KAZN: variants seen among roughly 807,000 people sequenced by gnomAD.
The protein encoded by KAZN is kazrin, periplakin interacting protein, also known as kazrin.
In KAZN, 40 loss-of-function variants were observed where a neutral mutation model predicts 87.4. The ratio of observed to expected loss-of-function variants is 0.46; its 90% CI spans 0.36 to 0.60. KAZN has a LOEUF of 0.60. KAZN is among the 20% of genes least tolerant of loss of function. The pLI, the probability that KAZN is intolerant of heterozygous loss-of-function variation, is 0.00. For missense variants in KAZN, 898 were observed against 1,073.9 expected, an observed-to-expected ratio of 0.84 and a Z score of 2.29; for synonymous variants, 466 against 458.3, an observed-to-expected ratio of 1.02 and a Z score of -0.22.
chr1:14,644,235 C>T (rs2148681411), intron 1 of KAZN, among the ~76,000 whole-genome samples: 1 of 151,946 alleles, frequency 6.6e-6, no homozygotes, highest in African/African-American at 2.4e-5. Flanking sequence ...TGGTCTTGAA[C>T]TCCTGACCTG....
At chr1:14,283,635 G>A (rs1048331080) in intron 2 of KAZN, among the ~76,000 whole-genome samples, 12 of 152,234 alleles carry the variant, frequency 7.9e-5, no homozygotes, top group Non-Finnish European at 4.4e-5. Flanking sequence ...ATACGTTGCT[G>A]GTGGGAATGC....
At chr1:14,464,102 G>A (rs1007300743) in intron 2 of KAZN, among the ~76,000 whole-genome samples, 9 of 152,310 alleles carry the variant, frequency 5.9e-5, no homozygotes, top group Non-Finnish European at 1.0e-4. Context: ...CCTGTGCTCC[G>A]GGATCTTTCA....
intron 10 of KAZN, among the ~76,000 whole-genome samples, chr1:15,098,901 T>C (rs1640917698): frequency 6.6e-6 from 1 of 152,194 alleles, no homozygotes; most frequent in African/African-American, 2.4e-5. Flanking sequence ...CATTCACAGA[T>C]AAGCCACACC....
At chr1:14,912,775 T>A (rs936957430) in intron 1 of KAZN, among the ~76,000 whole-genome samples, 4 of 152,134 alleles carry the variant, frequency 2.6e-5, no homozygotes, top group African/African-American at 7.2e-5. Context: ...TTTAAAAAAA[T>A]TTTTTTACTG....
At chr1:14,710,369 C>G (rs1642420168) in intron 1 of KAZN, among the ~76,000 whole-genome samples, 1 of 152,158 alleles carries the variant, frequency 6.6e-6, no homozygotes, top group Non-Finnish European at 1.5e-5. Context: ...GATGACATCA[C>G]TGTACTGCTC....
chr1:14,618,286 T>C (rs901737829), intron 1 of KAZN, among the ~76,000 whole-genome samples: 1 of 152,234 alleles, frequency 6.6e-6, no homozygotes, highest in Non-Finnish European at 1.5e-5. Flanking sequence ...GACCGTCTTC[T>C]GCCTCGAGCT....
chr1:14,306,950 A>G (rs540182770), intron 2 of KAZN, among the ~76,000 whole-genome samples: 50 of 152,134 alleles, frequency 3.3e-4, no homozygotes, highest in Non-Finnish European at 4.7e-4. Flanking sequence ...TCGTGTCCCC[A>G]ATCTTTCCAT....
Position 14,403,095 on chromosome 1 carries a change from G to A in KAZN, c.250-195888G>A, listed in dbSNP as rs185588512. ...ACCCCCTTGGCCTCCCAAAGTGCTCGGATTACAGGCATGAGCCACCACACC... is the reference window on the plus strand; with the variant it reads ...ACCCCCTTGGCCTCCCAAAGTGCTCAGATTACAGGCATGAGCCACCACACC... On this transcript the variant is annotated intron_variant, in intron 2 of 16. Coordinates refer to the KAZN transcript ENST00000636203. Among the ~76,000 whole-genome samples, 960 of 152,172 alleles carry A rather than the reference G, an allele frequency of 6.3e-3. 8 individuals are homozygous for A. The highest frequency in any genetic ancestry group is 0.013 in the Admixed American group (191 of 15,272).
chr1:14,401,092 T>C (rs1663367661), intron 2 of KAZN, among the ~76,000 whole-genome samples: 1 of 151,834 alleles, frequency 6.6e-6, no homozygotes. Context: ...GCACAATGGG[T>C]TTTCAAAGGG....
intron 1 of KAZN, among the ~76,000 whole-genome samples, chr1:14,733,131 C>A (rs184010877): frequency 3.2e-4 from 49 of 152,188 alleles, no homozygotes; most frequent in African/African-American, 1.1e-3. Flanking sequence ...GGCTGCAAAG[C>A]GGATCAGCTC....
At chr1:14,793,538 G>T (rs1645743369) in intron 1 of KAZN, among the ~76,000 whole-genome samples, 1 of 152,196 alleles carries the variant, frequency 6.6e-6, no homozygotes, top group South Asian at 2.1e-4. Flanking sequence ...GCTATAAAAT[G>T]GGAATGGGCA....
At chr1:14,284,192 T>G (rs1653064614) in intron 2 of KAZN, among the ~76,000 whole-genome samples, 1 of 152,150 alleles carries the variant, frequency 6.6e-6, no homozygotes, top group African/African-American at 2.4e-5. Context: ...GTGATAAGAA[T>G]GTTCTAGCAT....
At chr1:14,882,859 C>T (rs1380113315) in intron 1 of KAZN, among the ~76,000 whole-genome samples, 2 of 152,108 alleles carry the variant, frequency 1.3e-5, no homozygotes, top group Non-Finnish European at 1.5e-5. Flanking sequence ...CTGACATCAT[C>T]CTCCTTAGAC....
Position 14,996,810 on chromosome 1 carries a change from G to A in KAZN, c.418+35935G>A, listed in dbSNP as rs572360522. Among the ~76,000 whole-genome samples, 14 of 152,332 alleles carry A rather than the reference G, an allele frequency of 9.2e-5. No homozygotes were observed. The South Asian group carries it at 2.3e-3, about 25-fold the overall frequency. ...ACCACGGAGCCTCCCCGCTCCTGGT[G>A]CTCCAGGGCCTGCATGTGGGGCACT... On this transcript the variant is annotated intron_variant, in intron 2 of 14. Coordinates refer to ENST00000376030, the MANE Select transcript of KAZN (RefSeq NM_201628.3). This position sits in a 1 kb window ranked among gnomAD's most constrained non-coding sequence, Gnocchi z 5.9.
chr1:14,459,612 T>TGGGCACAGGAC (rs1557735579), intron 2 of KAZN, among the ~76,000 whole-genome samples: 1 of 152,092 alleles, frequency 6.6e-6, no homozygotes, highest in African/African-American at 2.4e-5. Context: ...CAATTAACCA[T>TGGGCACAGGAC]GTCTCCCCTG....
intron 2 of KAZN, among the ~76,000 whole-genome samples, chr1:14,514,375 A>ATATATATTTATATATATATT (rs1491445643): frequency 3.5e-4 from 5 of 14,448 alleles, no homozygotes; most frequent in African/African-American, 1.3e-3. Context: ...TTATATATAT[A>ATATATATTTATATATATATT]ATATATATAT....
intron 1 of KAZN, among the ~76,000 whole-genome samples, chr1:13,946,321 C>T (rs143797076): frequency 2.8e-4 from 42 of 152,222 alleles, no homozygotes; most frequent in African/African-American, 7.7e-4. Flanking sequence ...CGAAGAGTTG[C>T]GATTCTGGAG....
At chr1:14,852,124 C>G (rs1187641514) in intron 1 of KAZN, among the ~76,000 whole-genome samples, 2 of 152,166 alleles carry the variant, frequency 1.3e-5, no homozygotes, top group African/African-American at 4.8e-5. Flanking sequence ...TTGGGGGTCT[C>G]CCTGGATCTC....
chr1:14,356,393 A>C (rs1403505368), intron 2 of KAZN, among the ~76,000 whole-genome samples: 4 of 152,054 alleles, frequency 2.6e-5, no homozygotes, highest in African/African-American at 9.7e-5. Context: ...CACTCTGATG[A>C]TAGTTTCTTT....
Sources: gnomAD v4.1 joint callset for allele counts (sites outside exome capture counted in the v4.1 genomes callset) on GRCh38, gnomAD v4.1.1 for gene constraint, Gnocchi (gnomAD v3.1) non-coding constraint, MANE v1.5 for transcripts, NCBI Gene and HGNC (gene_info 2026-07-23, HGNC 2026-07-21) for gene names.